UGT1A10: variants seen among roughly 807,000 people sequenced by gnomAD.
UGT1A10 encodes the protein UDP-glucuronosyltransferase 1A10.
A neutral mutation model predicts 45.8 loss-of-function variants in UGT1A10; 49 were observed. The ratio of observed to expected loss-of-function variants is 1.07; its 90% CI spans 0.85 to 1.36. UGT1A10 has a LOEUF of 1.36. Ranked by LOEUF, UGT1A10 falls within the 40% of genes most tolerant of loss-of-function variation. The probability of loss-of-function intolerance (pLI) is 0.00; values close to 1 mark genes in which losing one functional copy is unlikely to be tolerated. For missense variants in UGT1A10, 745 were observed against 668.6 expected, an observed-to-expected ratio of 1.11 and a Z score of -1.26; for synonymous variants, 284 against 249.7, an observed-to-expected ratio of 1.14 and a Z score of -1.29.
chr2:233,687,341 A>G (rs1214962617), intron 1 of UGT1A10, among the ~76,000 whole-genome samples: 2 of 152,122 alleles, frequency 1.3e-5, no homozygotes, highest in Non-Finnish European at 2.9e-5. Flanking sequence ...GAATGATTTA[A>G]ACTTCAGATG....
intron 1 of UGT1A10, among the ~76,000 whole-genome samples, chr2:233,638,641 C>A (rs183142864): frequency 8.5e-5 from 13 of 152,192 alleles, no homozygotes; most frequent in Admixed American, 7.8e-4. Context: ...AGATGAAACA[C>A]CTGGTGTCTC....
chr2:233,703,303 AT>A (rs1225306249), intron 1 of UGT1A10, among the ~76,000 whole-genome samples: 1 of 148,452 alleles, frequency 6.7e-6, no homozygotes, highest in Non-Finnish European at 1.5e-5. Context: ...TCCCTCTTTC[AT>A]TTCATATTTT....
At chr2:233,701,427 C>T (rs1037772599) in intron 1 of UGT1A10, among the ~76,000 whole-genome samples, 1 of 152,092 alleles carries the variant, frequency 6.6e-6, no homozygotes, top group African/African-American at 2.4e-5. Flanking sequence ...CAACATTAGA[C>T]AGATCAACGA....
chr2:233,695,872 G>A (rs888904752), intron 1 of UGT1A10, among the ~76,000 whole-genome samples: 2 of 152,048 alleles, frequency 1.3e-5, no homozygotes, highest in African/African-American at 4.8e-5. Context: ...AACAAACAAC[G>A]CAGAAAACTT....
intron 1 of UGT1A10, among the ~76,000 whole-genome samples, chr2:233,662,363 A>G (rs2073990635): frequency 6.6e-6 from 1 of 152,202 alleles, no homozygotes; most frequent in African/African-American, 2.4e-5. Context: ...ATTTGTTGCA[A>G]ATCTCCATAA....
intron 1 of UGT1A10, chr2:233,729,968 G>A (rs201755757): frequency 2.4e-5 from 39 of 1,613,890 alleles, no homozygotes; most frequent in Non-Finnish European, 7.6e-6. Context: ...GGCATCAACT[G>A]TGCCAACAGG....
chr2:233,759,981 A>G (rs1234447648), intron 1 of UGT1A10, among the ~76,000 whole-genome samples: 1 of 152,088 alleles, frequency 6.6e-6, no homozygotes, highest in African/African-American at 2.4e-5. Context: ...CTCTGGTAAC[A>G]CTTGTTGGTC....
chr2:233,672,177 T>C, intron 1 of UGT1A10: 14 of 1,614,192 alleles, frequency 8.7e-6, no homozygotes, highest in Non-Finnish European at 1.2e-5. Flanking sequence ...CAACTTCATA[T>C]ACCCTGGAGG....
intron 1 of UGT1A10, among the ~76,000 whole-genome samples, chr2:233,736,926 C>T (rs1389515258): frequency 2.0e-5 from 3 of 152,150 alleles, no homozygotes; most frequent in Non-Finnish European, 4.4e-5. Flanking sequence ...ACCAGAGGCG[C>T]ACCCACCTAT....
At chr2:233,721,819 T>C in intron 1 of UGT1A10, 1 of 516,632 alleles carries the variant, frequency 1.9e-6, no homozygotes, top group Non-Finnish European at 3.9e-6. Flanking sequence ...TCCAGCACCC[T>C]ATTTGGGCCA....
chr2:233,677,783 A>T (rs2074399650), intron 1 of UGT1A10, among the ~76,000 whole-genome samples: 1 of 152,182 alleles, frequency 6.6e-6, no homozygotes, highest in Admixed American at 6.6e-5. Context: ...TTTGCAAAGA[A>T]CTTAAAACAG....
At chr2:233,672,484 C>T (rs2074228621) in intron 1 of UGT1A10, 2 of 1,613,942 alleles carry the variant, frequency 1.2e-6, no homozygotes, top group Non-Finnish European at 1.7e-6. Context: ...TGCACAGTGC[C>T]CTGCTCCTCT....
chr2:233,737,036 C>T (rs2078836192), intron 1 of UGT1A10, among the ~76,000 whole-genome samples: 1 of 152,178 alleles, frequency 6.6e-6, no homozygotes, highest in Non-Finnish European at 1.5e-5. Flanking sequence ...TCTCAGAGCT[C>T]AAATGCCATA....
At chr2:233,712,988 TGA>T in intron 1 of UGT1A10, 1 of 1,613,306 alleles carries the variant, frequency 6.2e-7, no homozygotes, top group Non-Finnish European at 8.5e-7. Context: ...TGGCTTCTGC[TGA>T]GATGGCCACA....
chr2:233,709,237 G>T (rs1333156053), intron 1 of UGT1A10, among the ~76,000 whole-genome samples: 1 of 152,106 alleles, frequency 6.6e-6, no homozygotes, highest in Non-Finnish European at 1.5e-5. Context: ...AGGGGTGGCC[G>T]CTGGGATGAG....
At chr2:233,767,287 C>A in intron 2 of UGT1A10, 122 bp downstream of exon 2, 1 of 1,567,668 alleles carries the variant, frequency 6.4e-7, no homozygotes, top group East Asian at 2.3e-5. Flanking sequence ...CTGCCACTTC[C>A]CAACTATTAA....
At chr2:233,666,756 G>A (rs958405148) in intron 1 of UGT1A10, among the ~76,000 whole-genome samples, 4 of 151,488 alleles carry the variant, frequency 2.6e-5, no homozygotes, top group East Asian at 1.9e-4. Context: ...CCATTAACTC[G>A]TCATTTAACC....
rs1699600557 is a variant in UGT1A10 at position 233,768,315 on chromosome 2, T to C, written c.1171T>C (p.Phe391Leu). The change falls in exon 4 of 5, where the codon TTT becomes CTT. Residue 391 changes from phenylalanine (F) to leucine (L), a missense_variant. Physicochemically the swap from Phe to Leu is conservative, Grantham distance 22. Coordinates refer to ENST00000344644, the MANE Select transcript of UGT1A10 (RefSeq NM_019075.4). ...CGTTCCCATGGTGATGATGCCCTTG[T>C]TTGGTGATCAGATGGACAATGCAAA... ...NGVPMVMMPLFGDQMDNAKRM... is the reference protein window; with the variant it reads ...NGVPMVMMPLLGDQMDNAKRM... 3 of 1,614,138 alleles carry C rather than the reference T, an allele frequency of 1.9e-6. No individual in the cohort carries two copies. Among genetic ancestry groups the C allele is most frequent in the South Asian group, 2.2e-5 (2 of 91,078 alleles).
At chr2:233,743,680 G>T in intron 1 of UGT1A10, 1 of 1,367,218 alleles carries the variant, frequency 7.3e-7, no homozygotes, top group South Asian at 1.1e-5. Context: ...AGGGCCTGCC[G>T]CCTGTGCAGC....
Sources: gnomAD v4.1 joint callset for allele counts (sites outside exome capture counted in the v4.1 genomes callset) on GRCh38, gnomAD v4.1.1 for gene constraint, MANE v1.5 for transcripts, NCBI Gene and HGNC (gene_info 2026-07-23, HGNC 2026-07-21) for gene names.